Variants in RRBP1 observed in about 807,000 individuals in gnomAD.
RRBP1 encodes the protein ribosome binding protein 1, also known as ribosome-binding protein 1.
A neutral mutation model predicts 165.2 loss-of-function variants in RRBP1; 94 were observed. The ratio of observed to expected loss-of-function variants is 0.57; its 90% CI spans 0.48 to 0.68. The LOEUF (loss-of-function observed/expected upper bound fraction) is 0.68, where lower values mean the gene tolerates loss of function less well. RRBP1 is among the 30% of genes least tolerant of loss of function. The pLI, the probability that RRBP1 is intolerant of heterozygous loss-of-function variation, is 0.00. For missense variants in RRBP1, 1,676 were observed against 1,763.0 expected (o/e 0.95, Z 0.88); for synonymous variants, 680 against 714.5 (o/e 0.95, Z 0.77).
Position 17,616,835 on chromosome 20 carries a change from C to T in RRBP1, c.3764G>A (p.Arg1255Lys). 6.2e-7 allele frequency: 1 copy of T among 1,612,658 alleles called. No homozygotes were observed. The highest frequency in any genetic ancestry group is 8.5e-7 in the Non-Finnish European group (1 of 1,179,106). The change falls in exon 21 of 25, where the codon AGG becomes AAG. Residue 1255 changes from arginine (R) to lysine (K), a missense_variant. Around this residue, in one of 5 missense-constraint regions of RRBP1, gnomAD observed 1,184 missense variants for 1,167.1 expected, o/e 1.01. Coordinates refer to ENST00000377813, the MANE Select transcript of RRBP1 (RefSeq NM_001365613.2). ...QKQSDELALV[R>K]QQLSEMKSHV... Reference sequence around the variant, plus strand: ...GCTCTTCATTTCACTCAACTGCTGCCTGACCTGGAACAGGAAGGGGTGTGT... The same window carrying T: ...GCTCTTCATTTCACTCAACTGCTGCTTGACCTGGAACAGGAAGGGGTGTGT...
At chr20:17,618,752 C>A in intron 19 of RRBP1, 73 bp from the exon 20 acceptor site, 1 of 1,188,020 alleles carries the variant, frequency 8.4e-7, no homozygotes. Flanking sequence ...CGTGAGTTAG[C>A]GCCGAAACAT....
intron 3 of RRBP1, among the ~76,000 whole-genome samples, chr20:17,648,858 T>C (rs1382646183): frequency 6.6e-6 from 1 of 152,192 alleles, no homozygotes; most frequent in Non-Finnish European, 1.5e-5. Flanking sequence ...GCACACAGGC[T>C]GGCCCAAGGA....
In RRBP1 at chr20:17,621,956, TG is replaced by T; in HGVS notation, c.3148-10del. On this transcript the variant is annotated splice_polypyrimidine_tract_variant and intron_variant, in intron 13 of 24. Coordinates refer to ENST00000377813, the MANE Select transcript of RRBP1 (RefSeq NM_001365613.2). Reference sequence around the variant, plus strand: ...TGCTTCTCCGATTCCTCCTGGGGGGTGGGTGGGGAAGAGCGGAAGGTGTTCA... The same window carrying T: ...TGCTTCTCCGATTCCTCCTGGGGGGTGGTGGGGAAGAGCGGAAGGTGTTCA... 1 of 1,444,024 alleles carries T rather than the reference TG, an allele frequency of 6.9e-7. No homozygotes were observed. The allele number at this position is 1,444,024 out of a possible 1,614,324, so 89.5% of individuals were successfully genotyped here.
chr20:17,627,791 C>T, intron 9 of RRBP1, 109 bp from the exon 10 acceptor site: 1 of 1,009,592 alleles, frequency 9.9e-7, no homozygotes, highest in South Asian at 1.8e-5. Flanking sequence ...CGAGGGCTTC[C>T]TCCTGCCTCC....
intron 4 of RRBP1, among the ~76,000 whole-genome samples, chr20:17,642,311 G>A (rs6080755): frequency 3.9e-5 from 6 of 152,102 alleles, no homozygotes; most frequent in Admixed American, 3.9e-4. Context: ...GACCTGAGGA[G>A]AGCCAGGCCT....
chr20:17,625,443 C>T, intron 12 of RRBP1, 69 bp downstream of exon 12: 1 of 1,400,270 alleles, frequency 7.1e-7, no homozygotes, highest in Non-Finnish European at 1.0e-6. Context: ...TGCCACATAG[C>T]AGAACCTTTC....
At position 17,660,111 on chromosome 20, in the gene RRBP1, C is replaced by T. The variant is rs374010779; in HGVS notation, c.397G>A (p.Ala133Thr). Reference protein sequence around the residue: ...TVPAMPQEKLASSPKDKKKKE... With the variant: ...TVPAMPQEKLTSSPKDKKKKE... ...TTCTTTTTGTCCTTGGGGGAGGAGG[C>T]CAGCTTCTCCTGGGGCATGGCTGGA... The change falls in exon 3 of 25, where the codon GCC becomes ACC. Residue 133 changes from alanine to threonine, a missense_variant. Physicochemically the swap from Ala to Thr is moderately conservative, Grantham distance 58. Coordinates refer to ENST00000377813, the MANE Select transcript of RRBP1 (RefSeq NM_001365613.2). 2 of 1,614,030 alleles carry T rather than the reference C, an allele frequency of 1.2e-6. No homozygotes were observed. Among genetic ancestry groups the T allele is most frequent in the Non-Finnish European group, 1.7e-6 (2 of 1,180,036 alleles).
At chr20:17,619,024 GC>G (rs1253771478) in intron 19 of RRBP1, 1 of 274,226 alleles carries the variant, frequency 3.6e-6, no homozygotes, top group Non-Finnish European at 7.1e-6. Flanking sequence ...TTGGGCTCAG[GC>G]AATCCTCCTG....
chr20:17,614,191 G>A lies in RRBP1; in HGVS notation c.4224C>T (p.Thr1408=), dbSNP rs767872272. The A allele has an allele frequency of 4.3e-6, 7 of 1,613,950 alleles. No homozygotes were observed. In the East Asian group the frequency reaches 1.6e-4, roughly 36 times the overall value. Residue 1408 remains threonine, a synonymous_variant, in exon 25 of 25, where the codon ACC becomes ACT. Transcript: ENST00000377813. ...TTTCCAAAGAGGAAACTCAGACAGAGGTGCCCTCCTTTGAGCTGCTGCCGT... is the reference window on the plus strand; with the variant it reads ...TTTCCAAAGAGGAAACTCAGACAGAAGTGCCCTCCTTTGAGCTGCTGCCGT... The part of the protein sequence containing the change: ...AEDGSSSKEG[T]SV
intron 9 of RRBP1, among the ~76,000 whole-genome samples, chr20:17,629,027 T>C (rs753587639): frequency 2.2e-4 from 33 of 152,226 alleles, no homozygotes; most frequent in Non-Finnish European, 3.1e-4. Flanking sequence ...TTGCCCACTG[T>C]GGCAGAGCTG....
Position 17,636,564 on chromosome 20 carries a change from C to T in RRBP1, c.2337+13G>A. On this transcript the variant is annotated intron_variant, in intron 6 of 24. Coordinates refer to ENST00000377813, the MANE Select transcript of RRBP1 (RefSeq NM_001365613.2). ...CTGTCCCTTCCCATGCCCCCGCCAG[C>T]CACTACACCCACCTTGCCCTGCAGC... The T allele has an allele frequency of 6.2e-7, 1 of 1,609,700 alleles. No individual in the cohort carries two copies. The highest frequency in any genetic ancestry group is 8.5e-7 in the Non-Finnish European group (1 of 1,179,582).
chr20:17,681,828 G>A (rs1390456233), intron 1 of RRBP1, among the ~76,000 whole-genome samples, 200 bp downstream of exon 1: 1 of 150,012 alleles, frequency 6.7e-6, no homozygotes, highest in African/African-American at 2.4e-5. Context: ...GCCCCGGTAC[G>A]GCGCTTGCCC....
At chr20:17,678,766 C>T (rs2037126660) in intron 2 of RRBP1, among the ~76,000 whole-genome samples, 1 of 152,164 alleles carries the variant, frequency 6.6e-6, no homozygotes, top group South Asian at 2.1e-4. Flanking sequence ...TTGTTTTAAA[C>T]TTAAATTGCT....
chr20:17,666,359 T>G (rs1411390644), intron 2 of RRBP1, among the ~76,000 whole-genome samples: 1 of 150,624 alleles, frequency 6.6e-6, no homozygotes, highest in Non-Finnish European at 1.5e-5. Flanking sequence ...AAAAAAAAGT[T>G]TTCTTCCATA....
chr20:17,615,311 G>T, intron 23 of RRBP1, 120 bp downstream of exon 23: 1 of 753,290 alleles, frequency 1.3e-6, no homozygotes, highest in Non-Finnish European at 2.1e-6. Context: ...GGGAACCAGT[G>T]CCAAGGGCAG....
intron 2 of RRBP1, among the ~76,000 whole-genome samples, chr20:17,661,957 T>G (rs1488149744): frequency 6.6e-6 from 1 of 152,170 alleles, no homozygotes; most frequent in Non-Finnish European, 1.5e-5. Flanking sequence ...GTCTTGGCAT[T>G]GTGTTCTAAG....
chr20:17,640,935 C>T (rs1405852039), intron 5 of RRBP1, among the ~76,000 whole-genome samples: 5 of 152,218 alleles, frequency 3.3e-5, no homozygotes. Flanking sequence ...CCATCCAGGC[C>T]CTCCCCCTGC....
In RRBP1 at chr20:17,613,911, T is replaced by C. The variant is rs2035739621; in HGVS notation, c.*271A>G. On this transcript the variant is annotated 3_prime_UTR_variant, in exon 25 of 25. Coordinates refer to ENST00000377813, the MANE Select transcript of RRBP1 (RefSeq NM_001365613.2). ...GGCCTCCCACACACCCACGGGGCTG[T>C]CAGAGTCAACCAGGGCTTTGGCGTC... 1 of 437,400 alleles carries C rather than the reference T, an allele frequency of 2.3e-6. No homozygotes were observed. Among genetic ancestry groups the C allele is most frequent in the East Asian group, 3.9e-5 (1 of 25,810 alleles). The allele number at this position is 437,400 out of a possible 1,614,324, so 27.1% of individuals were successfully genotyped here.
chr20:17,643,120 T>C lies in RRBP1; in HGVS notation c.1920A>G (p.Pro640=). 1.9e-6 allele frequency: 3 copies of C among 1,613,798 alleles called. No individual in the cohort carries two copies. The South Asian group carries it at 3.3e-5, about 18-fold the overall frequency. The change falls in exon 4 of 25, where the codon CCA becomes CCG. Residue 640 remains proline, a synonymous_variant. Coordinates refer to ENST00000377813, the MANE Select transcript of RRBP1 (RefSeq NM_001365613.2). This position sits in a 1 kb window ranked among gnomAD's most constrained non-coding sequence, Gnocchi z 4.3. ...GSKKKGEPGP[P]DADGPLYLPY... ...GGAGGTAGAGAGGGCCGTCGGCATC[T>C]GGGGGCCCTGTGCAGCAAGAGGGAA...
Sources: gnomAD v4.1 joint callset for allele counts (sites outside exome capture counted in the v4.1 genomes callset) on GRCh38, gnomAD v4.1.1 for gene constraint, gnomAD v4.1.1 regional missense constraint, Gnocchi (gnomAD v3.1) non-coding constraint, MANE v1.5 for transcripts, NCBI Gene and HGNC (gene_info 2026-07-23, HGNC 2026-07-21) for gene names.